Variants in NEGR1 observed in about 807,000 individuals in gnomAD.
NEGR1 encodes IgLON family member 4.
Under a neutral mutation model 40.9 loss-of-function variants are expected in NEGR1, and 10 were observed. The ratio of observed to expected loss-of-function variants is 0.24; its 90% CI spans 0.15 to 0.42. The LOEUF (loss-of-function observed/expected upper bound fraction) is 0.42. Ranked by LOEUF, NEGR1 falls within the 10% of genes least tolerant of loss-of-function variation. NEGR1 has a pLI of 1.00. For synonymous variants in NEGR1, 185 were observed against 166.8 expected, an observed-to-expected ratio of 1.11 and a Z score of -0.84; for missense variants, 352 against 438.9, an observed-to-expected ratio of 0.80 and a Z score of 1.77.
chr1:71,460,114 A>G (rs1372886409), intron 6 of NEGR1, among the ~76,000 whole-genome samples: 2 of 152,240 alleles, frequency 1.3e-5, no homozygotes, highest in Non-Finnish European at 2.9e-5. Flanking sequence ...ATAGTAGATA[A>G]CTAATGTTAG....
intron 6 of NEGR1, among the ~76,000 whole-genome samples, chr1:71,555,489 T>C (rs1196320241): frequency 1.3e-5 from 2 of 151,612 alleles, no homozygotes; most frequent in African/African-American, 4.8e-5. Flanking sequence ...ACAGGATATA[T>C]AAAGATGGCA....
intron 1 of NEGR1, among the ~76,000 whole-genome samples, chr1:72,110,221 T>TAAAAAAA (rs57618301): frequency 2.0e-3 from 209 of 106,214 alleles, no homozygotes; most frequent in African/African-American, 2.7e-3. Flanking sequence ...TAGAGTATAA[T>TAAAAAAA]AAAAAAAAAA....
intron 2 of NEGR1, among the ~76,000 whole-genome samples, chr1:71,814,169 T>C (rs1658111367): frequency 6.6e-6 from 1 of 152,148 alleles, no homozygotes; most frequent in South Asian, 2.1e-4. Context: ...AGATCTTTCC[T>C]GAATCTGTTG....
intron 4 of NEGR1, among the ~76,000 whole-genome samples, chr1:71,653,867 C>T (rs1467760622): frequency 6.6e-6 from 1 of 152,202 alleles, no homozygotes; most frequent in East Asian, 1.9e-4. Context: ...CAAGTTCACA[C>T]AGCTGAAACA....
chr1:71,616,066 G>T (rs1028924435), intron 4 of NEGR1, among the ~76,000 whole-genome samples: 1 of 152,186 alleles, frequency 6.6e-6, no homozygotes, highest in African/African-American at 2.4e-5. Context: ...AAAGGATTTT[G>T]TGGGTACAGA....
intron 2 of NEGR1, among the ~76,000 whole-genome samples, chr1:71,801,621 A>G (rs1657561187): frequency 6.6e-6 from 1 of 151,896 alleles, no homozygotes; most frequent in Non-Finnish European, 1.5e-5. Flanking sequence ...TTATTCTCAC[A>G]CTCCACATAT....
At chr1:71,651,097 A>C (rs1651699351) in intron 4 of NEGR1, among the ~76,000 whole-genome samples, 1 of 152,192 alleles carries the variant, frequency 6.6e-6, no homozygotes, top group Non-Finnish European at 1.5e-5. Flanking sequence ...TAGGAACTCA[A>C]AGAAAAACTA....
intron 2 of NEGR1, among the ~76,000 whole-genome samples, chr1:71,810,159 T>A (rs941665965): frequency 6.6e-6 from 1 of 152,066 alleles, no homozygotes; most frequent in Admixed American, 6.6e-5. Flanking sequence ...CAGAGCAGCT[T>A]TGGGGTAAGG....
chr1:72,081,766 T>C (rs1648008092), intron 1 of NEGR1, among the ~76,000 whole-genome samples: 1 of 152,220 alleles, frequency 6.6e-6, no homozygotes, highest in South Asian at 2.1e-4. Context: ...AATTTGAACC[T>C]AAAAGCAGCT....
At chr1:72,248,409 C>G (rs1654970617) in intron 1 of NEGR1, among the ~76,000 whole-genome samples, 1 of 151,860 alleles carries the variant, frequency 6.6e-6, no homozygotes, top group Non-Finnish European at 1.5e-5. Flanking sequence ...TGGCGCTTGT[C>G]ACCACGCCTG....
intron 6 of NEGR1, among the ~76,000 whole-genome samples, chr1:71,513,957 G>A (rs1647097495): frequency 7.2e-6 from 1 of 138,260 alleles, no homozygotes; most frequent in Admixed American, 7.3e-5. Context: ...CAAAGAAAGG[G>A]GTGACGGACG....
At chr1:71,662,387 C>T (rs1396493892) in intron 4 of NEGR1, among the ~76,000 whole-genome samples, 5 of 152,146 alleles carry the variant, frequency 3.3e-5, no homozygotes, top group African/African-American at 7.2e-5. Context: ...GCATGGAGAA[C>T]GGAACTCAAA....
chr1:71,432,367 T>A (rs914072538), intron 6 of NEGR1, among the ~76,000 whole-genome samples: 1 of 152,226 alleles, frequency 6.6e-6, no homozygotes, highest in East Asian at 1.9e-4. Context: ...TTATACATAG[T>A]TTTTGCTATG....
intron 4 of NEGR1, among the ~76,000 whole-genome samples, chr1:71,639,495 G>A (rs773425796): frequency 3.3e-5 from 5 of 152,084 alleles, no homozygotes; most frequent in African/African-American, 4.8e-5. Flanking sequence ...GCTTGTGGGT[G>A]AGTCTGCATG....
At chr1:72,111,658 A>G (rs1010581259) in intron 1 of NEGR1, among the ~76,000 whole-genome samples, 5 of 151,794 alleles carry the variant, frequency 3.3e-5, no homozygotes, top group African/African-American at 1.2e-4. Flanking sequence ...TTAATAATGA[A>G]TATTAATTTC....
intron 5 of NEGR1, among the ~76,000 whole-genome samples, chr1:71,598,668 C>T (rs1649820121): frequency 6.6e-6 from 1 of 152,148 alleles, no homozygotes; most frequent in South Asian, 2.1e-4. Flanking sequence ...AAGAAAGTCC[C>T]TCCTCATAGT....
intron 2 of NEGR1, among the ~76,000 whole-genome samples, chr1:71,835,431 C>T (rs1249084552): frequency 6.6e-6 from 1 of 152,098 alleles, no homozygotes; most frequent in Non-Finnish European, 1.5e-5. Context: ...TTAGGATATG[C>T]ATAAGGGCAA....
chr1:72,239,957 AAAAACTACAC>A (rs1404448452), intron 1 of NEGR1, among the ~76,000 whole-genome samples: 7 of 151,854 alleles, frequency 4.6e-5, no homozygotes, highest in African/African-American at 1.7e-4. Context: ...TGTATTATGA[AAAAACTACAC>A]AAAACCCCCA....
chr1:71,607,200 A>G (rs1165320576), intron 5 of NEGR1, among the ~76,000 whole-genome samples: 2 of 152,112 alleles, frequency 1.3e-5, no homozygotes, highest in African/African-American at 4.8e-5. Flanking sequence ...CAAGAAGACA[A>G]CTCTGAAACA....
Sources: gnomAD v4.1 joint callset for allele counts (sites outside exome capture counted in the v4.1 genomes callset) on GRCh38, gnomAD v4.1.1 for gene constraint, MANE v1.5 for transcripts, NCBI Gene and HGNC (gene_info 2026-07-23, HGNC 2026-07-21) for gene names.